Variants in ATL2 observed in about 807,000 individuals in gnomAD.
ATL2 encodes the protein atlastin GTPase 2, also known as atlastin-2.
A neutral mutation model predicts 73.9 loss-of-function variants in ATL2; 31 were observed. The ratio of observed to expected loss-of-function variants is 0.42; its 90% CI spans 0.32 to 0.57. The LOEUF is 0.57. Among genes scored for constraint, ATL2 ranks in the 20% least tolerant of loss-of-function variants. The pLI is 0.14. For synonymous variants in ATL2, 291 were observed against 237.5 expected (o/e 1.23, Z -2.07); for missense variants, 738 against 702.6 (o/e 1.05, Z -0.57).
chr2:38,328,895 C>T (rs796912653), intron 2 of ATL2, among the ~76,000 whole-genome samples: 26 of 150,024 alleles, frequency 1.7e-4, no homozygotes, highest in African/African-American at 6.5e-4. Context: ...AAAAACTGAT[C>T]CTTCAAAAAG....
intron 1 of ATL2, among the ~76,000 whole-genome samples, chr2:38,362,646 C>G (rs2124472518): frequency 6.6e-6 from 1 of 152,334 alleles, no homozygotes; most frequent in Non-Finnish European, 1.5e-5. Flanking sequence ...AATCTTTATT[C>G]TTTCAATAGT....
At chr2:38,314,287 C>A (rs533224215) in intron 6 of ATL2, among the ~76,000 whole-genome samples, 2 of 152,116 alleles carry the variant, frequency 1.3e-5, no homozygotes, top group Admixed American at 1.3e-4. Flanking sequence ...TCTGTAGTTA[C>A]CACGTATAAA....
intron 7 of ATL2, among the ~76,000 whole-genome samples, chr2:38,310,984 A>G (rs1304664302): frequency 6.6e-6 from 1 of 152,208 alleles, no homozygotes; most frequent in East Asian, 1.9e-4. Context: ...TGCCTGGAAC[A>G]GCAAAAACTA....
chr2:38,326,303 G>A (rs953651435), intron 2 of ATL2, among the ~76,000 whole-genome samples: 3 of 152,110 alleles, frequency 2.0e-5, no homozygotes, highest in Non-Finnish European at 4.4e-5. Context: ...TAAAAAACAC[G>A]TTAAACACAG....
Position 38,313,251 on chromosome 2 carries a change from C to T in ATL2, c.712-8G>A, listed in dbSNP as rs534198248. 1.3e-6 allele frequency: 2 copies of T among 1,570,574 alleles called. No homozygotes were observed. The highest frequency in any genetic ancestry group is 2.3e-5 in the South Asian group (2 of 85,272). On this transcript the variant is annotated splice_region_variant and splice_polypyrimidine_tract_variant and intron_variant, in intron 6 of 12. Coordinates refer to ENST00000378954, the MANE Select transcript of ATL2 (RefSeq NM_001135673.4). ...AATCAAAAACATTAATGTCTATACA[C>T]AGAAAAAATAAAAATTGTTTATTTT...
rs1666850596 is a variant in ATL2, at chr2:38,295,614, T to C, written c.*380A>G. 6.4e-6 allele frequency: 1 copy of C among 155,106 alleles called. No individual in the cohort carries two copies. The highest frequency in any genetic ancestry group is 2.0e-4 in the South Asian group (1 of 4,980). 9.6% of individuals were successfully genotyped at this position (155,106 alleles called of 1,614,324 possible). A position where few individuals can be genotyped will look rare whatever the true frequency, so the allele number is the denominator to read the frequency against. ...TCTTGAAACAGTGATTCATAAATTC[T>C]CTAAAAATTAAAATTTCAATGGGAC... is the stretch of plus-strand genomic sequence containing the variant. On this transcript the variant is annotated 3_prime_UTR_variant, in exon 13 of 13. Coordinates refer to ENST00000378954, the MANE Select transcript of ATL2 (RefSeq NM_001135673.4).
chr2:38,363,211 T>C (rs546688969), intron 1 of ATL2, among the ~76,000 whole-genome samples: 2 of 152,306 alleles, frequency 1.3e-5, no homozygotes, highest in East Asian at 1.9e-4. Context: ...TCTTTCTAAT[T>C]GTCAAAATGC....
Position 38,294,239 on chromosome 2 carries a change from ATT to A in ATL2, c.*1753_*1754del, listed in dbSNP as rs1170705124. 2.0e-5 allele frequency among the ~76,000 whole-genome samples: 3 copies of A among 152,224 alleles called. No homozygotes were observed. Among genetic ancestry groups the A allele is most frequent in the Admixed American group, 2.0e-4 (3 of 15,282 alleles). ...TTCACACATGCAACTCAACACCTGCATTCTCTTCGCTTAAAAAGCAAACTAAG... is the reference window on the plus strand; with the variant it reads ...TTCACACATGCAACTCAACACCTGCACTCTTCGCTTAAAAAGCAAACTAAG... On this transcript the variant is annotated 3_prime_UTR_variant, in exon 13 of 13. Transcript: ENST00000378954.
chr2:38,317,213 T>C (rs1208515147), intron 4 of ATL2, among the ~76,000 whole-genome samples: 1 of 152,118 alleles, frequency 6.6e-6, no homozygotes, highest in Non-Finnish European at 1.5e-5. Flanking sequence ...ATAAGAACAA[T>C]TTCTTATCTT....
intron 6 of ATL2, among the ~76,000 whole-genome samples, chr2:38,313,492 C>T (rs945072195): frequency 6.6e-6 from 1 of 152,040 alleles, no homozygotes; most frequent in African/African-American, 2.4e-5. Context: ...TCACCACAAG[C>T]AGTAATACAG....
At chr2:38,375,903 G>C (rs1293465157) in intron 1 of ATL2, among the ~76,000 whole-genome samples, 1 of 152,156 alleles carries the variant, frequency 6.6e-6, no homozygotes, top group Non-Finnish European at 1.5e-5. Context: ...ACTCCAGTCT[G>C]TCATCACCTC....
At chr2:38,337,789 G>A (rs187028180) in intron 2 of ATL2, among the ~76,000 whole-genome samples, 2 of 151,834 alleles carry the variant, frequency 1.3e-5, no homozygotes, top group Admixed American at 1.3e-4. Context: ...ACTTTTACAT[G>A]TATTTATTAA....
chr2:38,311,434 A>T (rs1036512842), intron 7 of ATL2, among the ~76,000 whole-genome samples: 7 of 120,390 alleles, frequency 5.8e-5, no homozygotes, highest in African/African-American at 2.0e-4. Context: ...TGCGCTATTT[A>T]TAATTAAAAC....
intron 9 of ATL2, among the ~76,000 whole-genome samples, chr2:38,303,695 T>TTTATACAAAGC (rs1667300895): frequency 6.6e-6 from 1 of 151,954 alleles, no homozygotes; most frequent in South Asian, 2.1e-4. Flanking sequence ...CGGTAGAAAG[T>TTTATACAAAGC]TTATACAAAG....
At chr2:38,315,231 A>G in intron 5 of ATL2, 53 bp downstream of exon 5, 1 of 1,399,374 alleles carries the variant, frequency 7.1e-7, no homozygotes, top group Non-Finnish European at 9.3e-7. Flanking sequence ...AGTCTGGGGA[A>G]CAAGAGCGAA....
chr2:38,370,760 G>C (rs113513904), intron 1 of ATL2, among the ~76,000 whole-genome samples: 1 of 151,160 alleles, frequency 6.6e-6, no homozygotes, highest in Non-Finnish European at 1.5e-5. Context: ...AGCAAGACTC[G>C]ATCTCAAAAC....
chr2:38,325,698 GTACACACA>G (rs1558412131), intron 2 of ATL2, among the ~76,000 whole-genome samples: 6 of 4,096 alleles, frequency 1.5e-3, no homozygotes, highest in Admixed American at 5.6e-3. Flanking sequence ...ACACACACCA[GTACACACA>G]CACACACACA....
In ATL2 at chr2:38,305,251, G is replaced by A. The variant is rs555913066; in HGVS notation, c.1071+4128C>T. The stretch of plus-strand genomic sequence containing the variant: ...TATTAGAAACTAAAGAAAGAGGACC[G>A]GGCGCAGTGGCTCATGCCTGTAATC... On this transcript the variant is annotated intron_variant, in intron 9 of 12. Transcript: ENST00000378954. Among the ~76,000 whole-genome samples, 4 of 152,238 alleles carry A rather than the reference G, an allele frequency of 2.6e-5. No individual in the cohort carries two copies. The South Asian group carries it at 6.2e-4, about 24-fold the overall frequency.
chr2:38,304,132 C>T (rs1004644254), intron 9 of ATL2, among the ~76,000 whole-genome samples: 8 of 152,066 alleles, frequency 5.3e-5, no homozygotes, highest in Admixed American at 1.3e-4. Context: ...ACAAGAAGCA[C>T]GAATGGATTC....
Sources: gnomAD v4.1 joint callset for allele counts (sites outside exome capture counted in the v4.1 genomes callset) on GRCh38, gnomAD v4.1.1 for gene constraint, MANE v1.5 for transcripts, NCBI Gene and HGNC (gene_info 2026-07-23, HGNC 2026-07-21) for gene names.